ANO3: variants seen among roughly 807,000 people sequenced by gnomAD.
The protein encoded by ANO3 is anoctamin 3.
ANO3 carries 99 observed loss-of-function variants against 144.8 expected under a neutral mutation model. The ratio of observed to expected loss-of-function variants is 0.68; its 90% confidence interval spans 0.58 to 0.81. ANO3 has a LOEUF of 0.81. Among genes scored for constraint, ANO3 ranks in the 30% least tolerant of loss-of-function variants. The pLI is 0.00. For missense variants in ANO3, 905 were observed against 1,202.2 expected, an observed-to-expected ratio of 0.75 and a Z score of 3.66; for synonymous variants, 414 against 392.6, an observed-to-expected ratio of 1.05 and a Z score of -0.64.
chr11:26,268,538 A>G (rs1367025902), intron 1 of ANO3, among the ~76,000 whole-genome samples: 1 of 152,192 alleles, frequency 6.6e-6, no homozygotes, highest in Non-Finnish European at 1.5e-5. Flanking sequence ...AAAAAAAACA[A>G]AAGTATCTTC....
chr11:26,400,005 A>T (rs1395695388), intron 1 of ANO3, among the ~76,000 whole-genome samples: 3 of 152,118 alleles, frequency 2.0e-5, no homozygotes, highest in African/African-American at 7.2e-5. Context: ...TAATTCTGCT[A>T]ACCACATGTA....
At chr11:26,528,825 A>C (rs890662697) in intron 7 of ANO3, among the ~76,000 whole-genome samples, 5 of 151,726 alleles carry the variant, frequency 3.3e-5, no homozygotes, top group Non-Finnish European at 7.4e-5. Context: ...TGTTTTCTAC[A>C]TGTCTATACA....
chr11:26,586,242 C>G (rs293992), intron 14 of ANO3, among the ~76,000 whole-genome samples: 81,953 of 151,796 alleles, frequency 0.54, 22,836 homozygotes, highest in South Asian at 0.75. Flanking sequence ...TTTTGAAGCT[C>G]TAAAATATTG....
At chr11:26,603,650 AT>A in intron 17 of ANO3, among the ~76,000 whole-genome samples, 1 of 142,548 alleles carries the variant, frequency 7.0e-6, no homozygotes, top group African/African-American at 2.5e-5. Flanking sequence ...ACTTGATTCC[AT>A]TTTTTCTAGA....
chr11:26,619,776 C>A (rs117490261), intron 17 of ANO3, among the ~76,000 whole-genome samples: 4,469 of 152,248 alleles, frequency 0.029, 100 homozygotes, highest in Non-Finnish European at 0.047. Context: ...CAAAAAACTA[C>A]AGATTCTTGA....
intron 4 of ANO3, among the ~76,000 whole-genome samples, chr11:26,502,609 G>A (rs1249225983): frequency 7.2e-5 from 11 of 152,142 alleles, no homozygotes; most frequent in South Asian, 2.1e-4. Context: ...ATAACCTTCC[G>A]TGTCTGTTGG....
chr11:26,485,584 G>A (rs1590404950), intron 4 of ANO3, among the ~76,000 whole-genome samples: 1 of 152,038 alleles, frequency 6.6e-6, no homozygotes, highest in Non-Finnish European at 1.5e-5. Flanking sequence ...AGCAATTCAA[G>A]ACCAGAAAAA....
intron 7 of ANO3, among the ~76,000 whole-genome samples, chr11:26,526,411 G>C (rs1054453901): frequency 1.3e-5 from 2 of 152,108 alleles, no homozygotes; most frequent in African/African-American, 4.8e-5. Flanking sequence ...TCTGCACCTT[G>C]CCAAAGAACC....
chr11:26,271,229 G>T (rs551179900), intron 1 of ANO3, among the ~76,000 whole-genome samples: 1 of 152,216 alleles, frequency 6.6e-6, no homozygotes, highest in African/African-American at 2.4e-5. Context: ...AATGTGTTGC[G>T]TAAGTAGAAT....
chr11:26,559,672 T>C, intron 13 of ANO3, 47 bp from the exon 14 acceptor site: 1 of 1,387,540 alleles, frequency 7.2e-7, no homozygotes, highest in South Asian at 1.2e-5. Flanking sequence ...CACTGGCTTA[T>C]TATAATCAAT....
chr11:26,578,681 G>A (rs957348510), intron 14 of ANO3, among the ~76,000 whole-genome samples: 2 of 152,156 alleles, frequency 1.3e-5, no homozygotes, highest in Non-Finnish European at 2.9e-5. Flanking sequence ...TATTAGTCTC[G>A]ATAGACCACT....
At chr11:26,313,089 A>C (rs966781490) in intron 1 of ANO3, among the ~76,000 whole-genome samples, 1 of 152,194 alleles carries the variant, frequency 6.6e-6, no homozygotes, top group African/African-American at 2.4e-5. Context: ...ATCTTTGCAC[A>C]AGTCATTTTA....
At chr11:26,329,325 C>CAG (rs1564967352), upstream of ANO3, among the ~76,000 whole-genome samples, 2 of 106,518 alleles carry the variant, frequency 1.9e-5, no homozygotes, top group African/African-American at 3.4e-5. Flanking sequence ...CACACACACA[C>CAG]ACAGAGAGAG....
intron 1 of ANO3, among the ~76,000 whole-genome samples, chr11:26,194,004 GT>G (rs1780375464): frequency 6.6e-6 from 1 of 152,244 alleles, no homozygotes; most frequent in African/African-American, 2.4e-5. Context: ...TATATTAAGG[GT>G]GTAAAAAATC....
At chr11:26,214,982 G>A (rs541386863) in intron 1 of ANO3, among the ~76,000 whole-genome samples, 2 of 151,826 alleles carry the variant, frequency 1.3e-5, no homozygotes, top group African/African-American at 4.8e-5. Context: ...ATTTAGACCA[G>A]GATTATGTAT....
intron 3 of ANO3, among the ~76,000 whole-genome samples, chr11:26,461,096 CAG>C (rs201616424): frequency 0.017 from 2,594 of 150,834 alleles, 62 homozygotes; most frequent in African/African-American, 0.06. Flanking sequence ...AAGACAGGGA[CAG>C]AGAGAGAGCG....
In ANO3 at chr11:26,598,897, A is replaced by G. The variant is rs1309606961; in HGVS notation, c.1570A>G (p.Met524Val). ...RPQFEAKYYK[M>V]EIVNPITGKP... ...CCAGTTTGAAGCCAAGTATTACAAG[A>G]TGGAGATTGTAAATCCCATCACGGG... The change falls in exon 16 of 27, where the codon ATG (methionine) becomes GTG (valine). Residue 524 changes from methionine (M) to valine (V), a missense_variant. Transcript: ENST00000256737. 1.2e-6 allele frequency: 2 copies of G among 1,614,000 alleles called. No individual in the cohort carries two copies. Among genetic ancestry groups the G allele is most frequent in the Non-Finnish European group, 1.7e-6 (2 of 1,179,918 alleles).
chr11:26,365,779 C>T (rs1464387013), intron 1 of ANO3, among the ~76,000 whole-genome samples: 3 of 152,034 alleles, frequency 2.0e-5, no homozygotes, highest in African/African-American at 7.2e-5. Context: ...TTTTCCTAGT[C>T]CTCTGGGCTG....
intron 1 of ANO3, among the ~76,000 whole-genome samples, chr11:26,245,730 TAG>T (rs1852775955): frequency 6.6e-6 from 1 of 152,174 alleles, no homozygotes; most frequent in African/African-American, 2.4e-5. Context: ...GGGAGTATCA[TAG>T]AGTGATTACC....
Sources: gnomAD v4.1 joint callset for allele counts (sites outside exome capture counted in the v4.1 genomes callset) on GRCh38, gnomAD v4.1.1 for gene constraint, MANE v1.5 for transcripts, NCBI Gene and HGNC (gene_info 2026-07-23, HGNC 2026-07-21) for gene names.